SLC13A3: variants seen among roughly 807,000 people sequenced by gnomAD.
SLC13A3 encodes the protein solute carrier family 13 member 3, also known as Na(+)/dicarboxylate cotransporter 3.
SLC13A3 carries 40 observed loss-of-function variants against 59.0 expected under a neutral mutation model. The ratio of observed to expected loss-of-function variants is 0.68; its 90% CI spans 0.53 to 0.88. The LOEUF (loss-of-function observed/expected upper bound fraction) is 0.88. SLC13A3 is among the 40% of genes least tolerant of loss of function. The pLI is 0.00. For missense variants in SLC13A3, 699 were observed against 783.2 expected (o/e 0.89, Z 1.28); for synonymous variants, 317 against 330.3 (o/e 0.96, Z 0.44).
upstream of SLC13A3, chr20:46,684,474 G>C (rs1432817483): frequency 1.3e-5 from 2 of 152,238 alleles, no homozygotes; most frequent in African/African-American, 4.8e-5. Flanking sequence ...TCTCCACGTG[G>C]CAGCAGGAAG....
chr20:46,644,501 C>A (rs1266820949), intron 1 of SLC13A3, among the ~76,000 whole-genome samples: 1 of 151,890 alleles, frequency 6.6e-6, no homozygotes, highest in Non-Finnish European at 1.5e-5. Context: ...GTTAAATTGC[C>A]AAAAAAATAA....
chr20:46,652,547 A>ATTTTTTTTTT (rs11471373), upstream of SLC13A3, among the ~76,000 whole-genome samples: 3 of 117,796 alleles, frequency 2.5e-5, no homozygotes, highest in Admixed American at 8.3e-5. Flanking sequence ...TATCTGGCTA[A>ATTTTTTTTTT]TTTTTTTTTT....
upstream of SLC13A3, among the ~76,000 whole-genome samples, chr20:46,654,418 CT>C (rs1254516172): frequency 6.6e-6 from 1 of 152,150 alleles, no homozygotes; most frequent in Non-Finnish European, 1.5e-5. Context: ...GCATAGAAAC[CT>C]TACTTCATGC....
At chr20:46,655,226 C>T (rs560189257), upstream of SLC13A3, among the ~76,000 whole-genome samples, 2 of 151,102 alleles carry the variant, frequency 1.3e-5, no homozygotes, top group East Asian at 3.9e-4. Context: ...ATAATATACA[C>T]ATACATATAT....
chr20:46,604,835 C>T (rs1038289178), intron 3 of SLC13A3, among the ~76,000 whole-genome samples: 1 of 152,196 alleles, frequency 6.6e-6, no homozygotes, highest in African/African-American at 2.4e-5. Flanking sequence ...ATTAATAGCA[C>T]ACTAAGGTTG....
chr20:46,640,180 C>T (rs1022799228), intron 1 of SLC13A3, among the ~76,000 whole-genome samples: 1 of 152,122 alleles, frequency 6.6e-6, no homozygotes. Flanking sequence ...GTGATGTGGC[C>T]CAGGACATCA....
intron 1 of SLC13A3, among the ~76,000 whole-genome samples, chr20:46,622,484 C>A (rs1351059826): frequency 6.6e-6 from 1 of 152,086 alleles, no homozygotes; most frequent in African/African-American, 2.4e-5. Flanking sequence ...AAGGTCAGAG[C>A]CTCCCCTTTG....
At chr20:46,637,954 A>G (rs1568950518) in intron 1 of SLC13A3, among the ~76,000 whole-genome samples, 2 of 152,160 alleles carry the variant, frequency 1.3e-5, no homozygotes, top group Non-Finnish European at 2.9e-5. Flanking sequence ...GGGTCTGGAG[A>G]AGTACAGGTT....
Position 46,668,797 on chromosome 20 carries a change from C to T in SLC13A3, c.-31+1246G>A, listed in dbSNP as rs2063074962. Among the ~76,000 whole-genome samples, 3 of 152,280 alleles carry T rather than the reference C, an allele frequency of 2.0e-5. No individual in the cohort carries two copies. In the South Asian group the frequency reaches 6.2e-4, roughly 32 times the overall value. ...ATTTGCCATTCTGAAAATCTGAAGG[C>T]CCACAAGAATTATGCTAAATCTAAG... On this transcript the variant is annotated intron_variant, in intron 1 of 12. Transcript: ENST00000290317.
intron 9 of SLC13A3, among the ~76,000 whole-genome samples, chr20:46,579,783 C>T (rs1460194923): frequency 6.6e-6 from 1 of 152,166 alleles, no homozygotes; most frequent in African/African-American, 2.4e-5. Context: ...AGGGAGATTC[C>T]ACATAAAAAT....
At chr20:46,600,798 G>A (rs445501) in intron 3 of SLC13A3, among the ~76,000 whole-genome samples, 3,424 of 152,310 alleles carry the variant, frequency 0.022, 141 homozygotes, top group African/African-American at 0.078. Flanking sequence ...TCTAGAAGGG[G>A]AGGCAGGAAA....
chr20:46,652,964 T>C (rs761789212), upstream of SLC13A3, among the ~76,000 whole-genome samples: 25 of 152,242 alleles, frequency 1.6e-4, no homozygotes. Flanking sequence ...GACATAGTAA[T>C]AGCTCATTGT....
At chr20:46,567,714 T>C (rs528384655) in intron 10 of SLC13A3, among the ~76,000 whole-genome samples, 8 of 152,264 alleles carry the variant, frequency 5.3e-5, no homozygotes, top group Middle Eastern at 3.4e-3. Flanking sequence ...TATTTACCAG[T>C]GTATAACATC....
chr20:46,645,871 T>C (rs889837817), intron 1 of SLC13A3, among the ~76,000 whole-genome samples: 3 of 152,210 alleles, frequency 2.0e-5, no homozygotes, highest in African/African-American at 7.2e-5. Context: ...TTTAAAGTCA[T>C]TGCATTTAAG....
At chr20:46,605,253 G>A (rs1043765038) in intron 3 of SLC13A3, among the ~76,000 whole-genome samples, 1 of 152,158 alleles carries the variant, frequency 6.6e-6, no homozygotes, top group Admixed American at 6.5e-5. Flanking sequence ...ATTATTTTCT[G>A]ATGATGATGA....
chr20:46,657,520 G>A (rs1342424288), intron 1 of SLC13A3, among the ~76,000 whole-genome samples: 2 of 152,084 alleles, frequency 1.3e-5, no homozygotes, highest in Non-Finnish European at 2.9e-5. Context: ...CAGTGCTCTT[G>A]CAAAGGAAAT....
chr20:46,592,223 G>GCATACATACATACATA (rs11469301), intron 6 of SLC13A3, among the ~76,000 whole-genome samples, 181 bp downstream of exon 6: 4 of 151,106 alleles, frequency 2.6e-5, no homozygotes, highest in African/African-American at 9.7e-5. Flanking sequence ...AAAACTAAAT[G>GCATACATACATACATA]CATACATACA....
chr20:46,584,079 T>C (rs1446509005), intron 8 of SLC13A3: 6 of 985,186 alleles, frequency 6.1e-6, no homozygotes, highest in Non-Finnish European at 7.2e-6. Flanking sequence ...GCTCACTGCA[T>C]TGAGATACAG....
At chr20:46,662,859 T>C (rs1034953064) in intron 1 of SLC13A3, among the ~76,000 whole-genome samples, 2 of 152,222 alleles carry the variant, frequency 1.3e-5, no homozygotes, top group Admixed American at 1.3e-4. Flanking sequence ...AAAATATAAA[T>C]AAGAAACAAA....
Sources: gnomAD v4.1 joint callset for allele counts (sites outside exome capture counted in the v4.1 genomes callset) on GRCh38, gnomAD v4.1.1 for gene constraint, MANE v1.5 for transcripts, NCBI Gene and HGNC (gene_info 2026-07-23, HGNC 2026-07-21) for gene names.